The following CAPN9 variants were observed in gnomAD, a reference collection of about 807,000 sequenced individuals.
CAPN9 encodes the protein calpain-9.
CAPN9 carries 81 observed loss-of-function variants against 92.8 expected under a neutral mutation model. The observed-to-expected ratio is 0.87, with a 90% CI of 0.73 to 1.05. CAPN9 has a LOEUF of 1.05. Ranked by LOEUF, CAPN9 falls within the 50% of genes least tolerant of loss-of-function variation. The probability of loss-of-function intolerance (pLI) is 0.00; values close to 1 mark genes in which losing one functional copy is unlikely to be tolerated. For missense variants in CAPN9, 848 were observed against 866.2 expected, an observed-to-expected ratio of 0.98 and a Z score of 0.26; for synonymous variants, 304 against 328.0, an observed-to-expected ratio of 0.93 and a Z score of 0.79.
At position 230,792,929 on chromosome 1, in the gene CAPN9, G is replaced by C. The variant is rs766310612; in HGVS notation, c.1870+1G>C. ...CTACGGACTGCACTGAAAGCTGCAGGTAAAGAAAAGACTGGAGTACAGGTG... is the reference window on the plus strand; with the variant it reads ...CTACGGACTGCACTGAAAGCTGCAGCTAAAGAAAAGACTGGAGTACAGGTG... On this transcript the variant is annotated splice_donor_variant, in intron 17 of 19. Transcript: ENST00000271971. LOFTEE classifies it high-confidence loss of function. 6.2e-7 allele frequency: 1 copy of C among 1,611,018 alleles called. No homozygotes were observed. The highest frequency in any genetic ancestry group is 1.7e-5 in the Admixed American group (1 of 60,002).
chr1:230,790,280 A>C, intron 14 of CAPN9, 91 bp downstream of exon 14: 1 of 1,530,286 alleles, frequency 6.5e-7, no homozygotes, highest in Non-Finnish European at 8.8e-7. Context: ...TCCGAGCCGC[A>C]GATCTGCTTC....
chr1:230,782,552 A>G (rs1667296336), intron 11 of CAPN9, among the ~76,000 whole-genome samples: 1 of 152,200 alleles, frequency 6.6e-6, no homozygotes, highest in Non-Finnish European at 1.5e-5. Context: ...ACTACTATCC[A>G]AATATTACAA....
intron 16 of CAPN9, 113 bp downstream of exon 16, chr1:230,792,607 G>A: frequency 1.1e-6 from 1 of 869,776 alleles, no homozygotes; most frequent in Non-Finnish European, 1.9e-6. Context: ...ATTGTATTCG[G>A]ACAGGGGAGA....
Position 230,798,178 on chromosome 1 carries a change from C to G in CAPN9, c.2004C>G (p.Leu668=). The change falls in exon 19 of 20, where the codon CTC becomes CTG. Residue 668 remains leucine (L), a synonymous_variant. Coordinates refer to ENST00000271971, the MANE Select transcript of CAPN9 (RefSeq NM_006615.3). ...LENASRVFQA[L]STKNKEFIHL... The stretch of plus-strand genomic sequence containing the variant: ...TCCTATCAGGGGTGTTCCAGGCTCT[C>G]AGTACAAAGAACAAGGAGTTCATTC... The G allele has an allele frequency of 6.2e-7, 1 of 1,610,812 alleles. No homozygotes were observed.
chr1:230,768,847 C>T (rs566074887), intron 5 of CAPN9, among the ~76,000 whole-genome samples: 2 of 152,244 alleles, frequency 1.3e-5, no homozygotes, highest in African/African-American at 2.4e-5. Context: ...TTCTTCTTTT[C>T]GTCTCTGGGA....
intron 2 of CAPN9, among the ~76,000 whole-genome samples, chr1:230,759,045 C>T (rs1231202157): frequency 5.3e-5 from 8 of 152,230 alleles, no homozygotes; most frequent in East Asian, 1.9e-4. Flanking sequence ...AATGGAGCCA[C>T]CACGGAGATA....
At position 230,753,130 on chromosome 1, in the gene CAPN9, C is replaced by G. The variant is rs372537618; in HGVS notation, c.214-2207C>G. Among the ~76,000 whole-genome samples, 16 of 152,296 alleles carry G rather than the reference C, an allele frequency of 1.1e-4. No individual in the cohort carries two copies. In the East Asian group the frequency reaches 2.7e-3, roughly 26 times the overall value. On this transcript the variant is annotated intron_variant, in intron 1 of 19. Transcript: ENST00000271971. Reference sequence around the variant, plus strand: ...ACCCCAGAACTGAGCAGCTGCCCCCCACCTTCACTCCCTTTCCAGCCACCA... The same window carrying G: ...ACCCCAGAACTGAGCAGCTGCCCCCGACCTTCACTCCCTTTCCAGCCACCA...
At position 230,779,079 on chromosome 1, in the gene CAPN9, CA is replaced by C. The variant is rs750889415; in HGVS notation, c.1061del (p.His354LeufsTer27). 1.2e-6 allele frequency: 2 copies of C among 1,613,416 alleles called. No individual in the cohort carries two copies. The highest frequency in any genetic ancestry group is 4.5e-5 in the East Asian group (2 of 44,852). On this transcript the variant is annotated frameshift_variant, in exon 9 of 20. Coordinates refer to ENST00000271971, the MANE Select transcript of CAPN9 (RefSeq NM_006615.3). LOFTEE classifies it high-confidence loss of function. The stretch of plus-strand genomic sequence containing the variant: ...GATCCACAAATGGGAGGTGACGGTC[CA>C]TCAGGGAAGCTGGGTTCGCGGCTCC... Reference protein sequence around the residue: ...DAIHKWEVTVHQGSWVRGSTA... With the variant: ...DAIHKWEVTVXQGSWVRGSTA...
chr1:230,782,973 T>C (rs1470879710), intron 11 of CAPN9, among the ~76,000 whole-genome samples: 1 of 152,130 alleles, frequency 6.6e-6, no homozygotes, highest in African/African-American at 2.4e-5. Flanking sequence ...GCCGAGATCA[T>C]GCCATTGCAC....
At chr1:230,748,592 G>A (rs1373820556) in intron 1 of CAPN9, among the ~76,000 whole-genome samples, 1 of 152,172 alleles carries the variant, frequency 6.6e-6, no homozygotes, top group Non-Finnish European at 1.5e-5. Flanking sequence ...CTCCTCACCT[G>A]TAAAATGGGA....
In CAPN9 at chr1:230,747,475, G is replaced by A; in HGVS notation, c.-22G>A. On this transcript the variant is annotated 5_prime_UTR_variant, in exon 1 of 20. Coordinates refer to ENST00000271971, the MANE Select transcript of CAPN9 (RefSeq NM_006615.3). ...CTTTTCCATCCACTGCCGGACCCAA[G>A]CCAGCCTTCCAGGGAGCAGCCATGC... is the stretch of plus-strand genomic sequence containing the variant. 4.3e-6 allele frequency: 7 copies of A among 1,609,660 alleles called. No homozygotes were observed. Among genetic ancestry groups the A allele is most frequent in the Non-Finnish European group, 6.0e-6 (7 of 1,176,328 alleles).
chr1:230,760,967 G>A (rs1404808250), intron 3 of CAPN9, among the ~76,000 whole-genome samples: 2 of 152,152 alleles, frequency 1.3e-5, no homozygotes, highest in East Asian at 1.9e-4. Flanking sequence ...TCACAGCTGG[G>A]AGGAGCCTTG....
chr1:230,792,305 C>T, intron 15 of CAPN9, 121 bp from the exon 16 acceptor site: 1 of 788,790 alleles, frequency 1.3e-6, no homozygotes, highest in Non-Finnish European at 2.2e-6. Context: ...CCCCAGGGCC[C>T]CAAACCTGTG....
intron 19 of CAPN9, 25 bp downstream of exon 19, chr1:230,798,245 T>C (rs368143766): frequency 1.3e-5 from 21 of 1,561,450 alleles, no homozygotes; most frequent in Non-Finnish European, 1.8e-6. Flanking sequence ...GACCCTCTGC[T>C]CAGGGACCCA....
In CAPN9 at chr1:230,798,156, T is replaced by C. The variant is rs1572101640; in HGVS notation, c.1988-6T>C. ...AAGGATGCCTTTCCCCCTTCTCTCC[T>C]ATCAGGGGTGTTCCAGGCTCTCAGT... is the stretch of plus-strand genomic sequence containing the variant. On this transcript the variant is annotated splice_polypyrimidine_tract_variant and splice_region_variant and intron_variant, in intron 18 of 19. Coordinates refer to ENST00000271971, the MANE Select transcript of CAPN9 (RefSeq NM_006615.3). 2 of 1,599,348 alleles carry C rather than the reference T, an allele frequency of 1.3e-6. No homozygotes were observed. Among genetic ancestry groups the C allele is most frequent in the Non-Finnish European group, 1.7e-6 (2 of 1,166,336 alleles).
chr1:230,780,109 TGTGTG>T, intron 9 of CAPN9, 65 bp from the exon 10 acceptor site: 1 of 962,096 alleles, frequency 1.0e-6, no homozygotes, highest in Non-Finnish European at 1.6e-6. Flanking sequence ...TGTGTGTGTG[TGTGTG>T]TGTGTGTGGT....
At chr1:230,756,994 AAGGG>A (rs1558084953) in intron 2 of CAPN9, among the ~76,000 whole-genome samples, 3 of 40,854 alleles carry the variant, frequency 7.3e-5, no homozygotes, top group African/African-American at 1.6e-4. Context: ...GAGAGGGAGG[AAGGG>A]AGGGAGGGAG....
At chr1:230,758,200 T>G (rs1161282006) in intron 2 of CAPN9, among the ~76,000 whole-genome samples, 1 of 152,188 alleles carries the variant, frequency 6.6e-6, no homozygotes. Flanking sequence ...CTGGGCAAAG[T>G]TGAAACTTGG....
At chr1:230,750,175 T>C (rs1664675569) in intron 1 of CAPN9, among the ~76,000 whole-genome samples, 1 of 152,158 alleles carries the variant, frequency 6.6e-6, no homozygotes, top group Admixed American at 6.5e-5. Context: ...GCCAGGGCCC[T>C]TGATACACAC....
Sources: gnomAD v4.1 joint callset for allele counts (sites outside exome capture counted in the v4.1 genomes callset) on GRCh38, gnomAD v4.1.1 for gene constraint, MANE v1.5 for transcripts, NCBI Gene and HGNC (gene_info 2026-07-23, HGNC 2026-07-21) for gene names.